CDCA2: variants seen among roughly 807,000 people sequenced by gnomAD.
The protein encoded by CDCA2 is cell division cycle associated 2.
CDCA2 carries 44 observed loss-of-function variants against 67.0 expected under a neutral mutation model. That is an observed-to-expected ratio of 0.66 (90% CI 0.52 to 0.84). The LOEUF is 0.84. CDCA2 is among the 40% of genes least tolerant of loss of function. The probability of loss-of-function intolerance (pLI) is 0.00; values close to 1 mark genes in which losing one functional copy is unlikely to be tolerated. For missense variants in CDCA2, 1,253 were observed against 1,203.2 expected (o/e 1.04, Z -0.61); for synonymous variants, 447 against 418.7 (o/e 1.07, Z -0.82).
intron 13 of CDCA2, among the ~76,000 whole-genome samples, chr8:25,501,471 C>G (rs895236513): frequency 1.3e-5 from 2 of 152,212 alleles, no homozygotes; most frequent in African/African-American, 4.8e-5. Context: ...GGGCTCTGCT[C>G]CTGCCACTCC....
At chr8:25,493,237 A>G (rs192786456) in intron 13 of CDCA2, among the ~76,000 whole-genome samples, 28 of 152,350 alleles carry the variant, frequency 1.8e-4, no homozygotes, top group Non-Finnish European at 3.4e-4. Flanking sequence ...TTGGTTTTAA[A>G]TGAGCAGTTT....
intron 13 of CDCA2, among the ~76,000 whole-genome samples, chr8:25,491,096 T>G (rs1803984002): frequency 6.6e-6 from 1 of 152,008 alleles, no homozygotes; most frequent in Non-Finnish European, 1.5e-5. Flanking sequence ...GAAAAAGGAA[T>G]TGCAAAAACA....
intron 12 of CDCA2, among the ~76,000 whole-genome samples, chr8:25,488,286 C>T (rs146418932): frequency 2.2e-4 from 33 of 152,206 alleles, no homozygotes; most frequent in African/African-American, 7.2e-4. Flanking sequence ...AATAAATTAA[C>T]GAATTCTTAA....
rs145926305 is a variant in CDCA2, at chr8:25,507,570, C to G, written c.2904C>G (p.Ser968=). The G allele has an allele frequency of 1.2e-6, 2 of 1,614,042 alleles. No individual in the cohort carries two copies. The highest frequency in any genetic ancestry group is 1.3e-5 in the African/African-American group (1 of 74,922). ...ENSQGPAAGS[S]DEPGKRRKSF... ...GCCAGGGCCCTGCTGCTGGTTCTTC[C>G]GATGAACCTGGTAAGAGGAGGAAGA... Residue 968 remains serine, a synonymous_variant, in exon 15 of 15, where the codon TCC becomes TCG. Coordinates refer to ENST00000330560, the MANE Select transcript of CDCA2 (RefSeq NM_152562.4).
chr8:25,481,867 A>G (rs1045192929), intron 8 of CDCA2, among the ~76,000 whole-genome samples: 7 of 152,234 alleles, frequency 4.6e-5, no homozygotes, highest in African/African-American at 1.4e-4. Context: ...ATTGGTATGT[A>G]CATTTTCCTG....
chr8:25,486,337 T>A lies in CDCA2; in HGVS notation c.1444+500T>A, dbSNP rs1013036542. The stretch of plus-strand genomic sequence containing the variant: ...TGGCAGGTGTCATGGGCCAGGCACC[T>A]TTATTCAGGTGTCTTCCCTGGCGGA... On this transcript the variant is annotated intron_variant, in intron 11 of 14. Transcript: ENST00000330560. Among the ~76,000 whole-genome samples, 7 of 152,296 alleles carry A rather than the reference T, an allele frequency of 4.6e-5. No individual in the cohort carries two copies. In the South Asian group the frequency reaches 1.2e-3, roughly 27 times the overall value.
At chr8:25,481,233 CAAAA>C (rs11438950) in intron 8 of CDCA2, among the ~76,000 whole-genome samples, 4 of 128,758 alleles carry the variant, frequency 3.1e-5, no homozygotes, top group Non-Finnish European at 3.2e-5. Flanking sequence ...CAGTCTGGGA[CAAAA>C]AAAAAAAAAA....
chr8:25,491,571 CAATT>C (rs1586512582), intron 13 of CDCA2, among the ~76,000 whole-genome samples: 1 of 152,174 alleles, frequency 6.6e-6, no homozygotes, highest in African/African-American at 2.4e-5. Context: ...CAGCCAGTCT[CAATT>C]AAGTGTGAAG....
intron 5 of CDCA2, 123 bp downstream of exon 5, chr8:25,466,448 T>G (rs547723181): frequency 1.1e-6 from 1 of 871,694 alleles, no homozygotes; most frequent in African/African-American, 1.8e-5. Context: ...AAAGTGAGAC[T>G]AACATTAAAA....
rs148167423 is a variant in CDCA2, at chr8:25,507,000, A to G, written c.2334A>G (p.Gln778=). 5.6e-6 allele frequency: 9 copies of G among 1,614,192 alleles called. No individual in the cohort carries two copies. Among genetic ancestry groups the G allele is most frequent in the Non-Finnish European group, 7.6e-6 (9 of 1,180,008 alleles). Residue 778 remains glutamine, a synonymous_variant, in exon 15 of 15, where the codon CAA becomes CAG. Coordinates refer to ENST00000330560, the MANE Select transcript of CDCA2 (RefSeq NM_152562.4). ...DFLGAAEGKL[Q]CNRLMPNSQK... ...TAGGAGCTGCAGAAGGAAAACTGCA[A>G]TGCAATCGTTTAATGCCTAATTCAC...
intron 6 of CDCA2, 150 bp downstream of exon 6, chr8:25,468,563 G>GTGTGCGTGCA (rs1803028684): frequency 2.3e-5 from 12 of 528,030 alleles, no homozygotes; most frequent in South Asian, 5.7e-5. Context: ...GTGTGCGTGT[G>GTGTGCGTGCA]TGTGTGTGTG....
In CDCA2 at chr8:25,507,202, A is replaced by C; in HGVS notation, c.2536A>C (p.Lys846Gln). Residue 846 changes from lysine (K) to glutamine (Q), a missense_variant, in exon 15 of 15, where the codon AAA (lysine) becomes CAA (glutamine). Lys to Gln is a moderately conservative substitution (Grantham distance 53, BLOSUM62 1). Coordinates refer to ENST00000330560, the MANE Select transcript of CDCA2 (RefSeq NM_152562.4). ...TGATGGTCGAAGTTTACATTTGGAA[A>C]AAAATGGAAATCACACACCATCCTC... ...YSDGRSLHLE[K>Q]NGNHTPSSSV... The C allele has an allele frequency of 6.2e-7, 1 of 1,614,222 alleles. No homozygotes were observed. The highest frequency in any genetic ancestry group is 2.2e-5 in the East Asian group (1 of 44,882).
intron 7 of CDCA2, among the ~76,000 whole-genome samples, chr8:25,471,141 G>GTTGT (rs10622539): frequency 0.98 from 149,047 of 152,156 alleles, 73,084 homozygotes; most frequent in East Asian, 1. Flanking sequence ...CATTTCTTAT[G>GTTGT]TTGTTTTTTC....
chr8:25,497,021 C>G (rs981698539), intron 13 of CDCA2, among the ~76,000 whole-genome samples: 3 of 151,890 alleles, frequency 2.0e-5, no homozygotes, highest in African/African-American at 4.8e-5. Context: ...CTCACTGGCC[C>G]TAAGCAAAAT....
intron 13 of CDCA2, among the ~76,000 whole-genome samples, chr8:25,495,873 T>C (rs1804203132): frequency 1.3e-5 from 2 of 152,220 alleles, no homozygotes; most frequent in Non-Finnish European, 1.5e-5. Flanking sequence ...ACAAAAGATA[T>C]ATTTTTAAAT....
chr8:25,480,775 C>G (rs1586493116), intron 8 of CDCA2, among the ~76,000 whole-genome samples: 1 of 152,244 alleles, frequency 6.6e-6, no homozygotes, highest in East Asian at 1.9e-4. Flanking sequence ...AGGTTGAGAG[C>G]CTAGCCTCAG....
chr8:25,495,380 A>G (rs144398189), intron 13 of CDCA2, among the ~76,000 whole-genome samples: 28 of 151,974 alleles, frequency 1.8e-4, no homozygotes, highest in African/African-American at 6.5e-4. Context: ...TTCATTAAGA[A>G]TTTTTTCAAA....
At position 25,507,515 on chromosome 8, in the gene CDCA2, T is replaced by C. The variant is rs1294281912; in HGVS notation, c.2849T>C (p.Met950Thr). ...ETVSSRQKPQ[M>T]APPVSDPENS... ...GTGTCCTCCAGACAAAAACCGCAGA[T>C]GGCACCTCCCGTCTCAGATCCAGAA... is the stretch of plus-strand genomic sequence containing the variant. Residue 950 changes from methionine (M) to threonine (T), a missense_variant, in exon 15 of 15, where the codon ATG (methionine) becomes ACG (threonine). Coordinates refer to ENST00000330560, the MANE Select transcript of CDCA2 (RefSeq NM_152562.4). The C allele has an allele frequency of 6.2e-7, 1 of 1,613,866 alleles. No homozygotes were observed. Among genetic ancestry groups the C allele is most frequent in the Admixed American group, 1.7e-5 (1 of 59,940 alleles).
At chr8:25,501,737 C>T (rs1235718693) in intron 13 of CDCA2, among the ~76,000 whole-genome samples, 4 of 152,254 alleles carry the variant, frequency 2.6e-5, no homozygotes, top group African/African-American at 4.8e-5. Flanking sequence ...AGTCATGGTG[C>T]GTGTGTATGG....
Sources: gnomAD v4.1 joint callset for allele counts (sites outside exome capture counted in the v4.1 genomes callset) on GRCh38, gnomAD v4.1.1 for gene constraint, MANE v1.5 for transcripts, NCBI Gene and HGNC (gene_info 2026-07-23, HGNC 2026-07-21) for gene names.